C4orf36: variants seen among roughly 807,000 people sequenced by gnomAD.
The protein encoded by C4orf36 is uncharacterized protein C4orf36.
Under a neutral mutation model 12.2 loss-of-function variants are expected in C4orf36, and 11 were observed. The ratio of observed to expected loss-of-function variants is 0.90; its 90% CI spans 0.57 to 1.49. The LOEUF (loss-of-function observed/expected upper bound fraction) is 1.49. C4orf36 is among the 40% of genes most tolerant of loss of function. C4orf36 has a pLI of 0.00. For missense variants in C4orf36, 137 were observed against 133.9 expected (o/e 1.02, Z -0.11); for synonymous variants, 54 against 51.3 (o/e 1.05, Z -0.22).
the C4orf36 span, chr4:86,914,083 T>C: frequency 6.2e-6 from 10 of 1,609,848 alleles, no homozygotes; most frequent in East Asian, 1.6e-4. Context: ...GGCTTTTTAA[T>C]GTGCTTGCTC....
the C4orf36 span, among the ~76,000 whole-genome samples, chr4:86,920,168 C>T: frequency 3.3e-5 from 5 of 152,304 alleles, no homozygotes; most frequent in East Asian, 7.7e-4. Context: ...GCCTTTACTC[C>T]GGTTTCCAAG....
Position 86,888,212 on chromosome 4 carries a change from C to G in C4orf36, c.129G>C (p.Lys43Asn). The change falls in exon 3 of 5, where the codon AAG becomes AAC. Residue 43 changes from lysine to asparagine, a missense_variant. Lys to Asn is a moderately conservative substitution (Grantham distance 94). Transcript: ENST00000295898. ...KTWSTNLANI[K>N]LPFLEEISFG... ...ATGAAATTTCTTCCAAGAAAGGCAACTTGATATTGGCTAGGTTTGTGGACC... is the reference window on the plus strand; with the variant it reads ...ATGAAATTTCTTCCAAGAAAGGCAAGTTGATATTGGCTAGGTTTGTGGACC... 1 of 1,614,168 alleles carries G rather than the reference C, an allele frequency of 6.2e-7. No individual in the cohort carries two copies. Among genetic ancestry groups the G allele is most frequent in the Non-Finnish European group, 8.5e-7 (1 of 1,180,008 alleles).
At chr4:86,886,529 C>T (rs2149421138) in intron 4 of C4orf36, 1 of 152,244 alleles carries the variant, frequency 6.6e-6, no homozygotes, top group East Asian at 1.9e-4. Context: ...TCATCACTGG[C>T]CATCAGAGAA....
chr4:86,931,982 C>A, the C4orf36 span, among the ~76,000 whole-genome samples: 2 of 148,168 alleles, frequency 1.3e-5, no homozygotes, highest in South Asian at 2.1e-4. Context: ...TTGCAGTGAG[C>A]CGAGATTGCA....
At chr4:86,919,405 C>G in the C4orf36 span, among the ~76,000 whole-genome samples, 2 of 139,826 alleles carry the variant, frequency 1.4e-5, no homozygotes, top group Non-Finnish European at 1.5e-5. Flanking sequence ...TAACTGCAAC[C>G]TCTACCTCCT....
intron 2 of C4orf36, 128 bp from the exon 3 acceptor site, chr4:86,888,403 T>G: frequency 1.3e-6 from 1 of 785,966 alleles, no homozygotes; most frequent in Non-Finnish European, 2.0e-6. Flanking sequence ...GAGGGGGAGA[T>G]GTTCAGAATT....
At chr4:86,911,222 G>A in the C4orf36 span, among the ~76,000 whole-genome samples, 8 of 152,224 alleles carry the variant, frequency 5.3e-5, no homozygotes, top group South Asian at 2.1e-4. Flanking sequence ...CAGGTTGGAT[G>A]TAAGCACTGT....
At chr4:86,904,247 C>T in the C4orf36 span, among the ~76,000 whole-genome samples, 1 of 152,226 alleles carries the variant, frequency 6.6e-6, no homozygotes, top group African/African-American at 2.4e-5. Flanking sequence ...CCCGCGCCGG[C>T]TAGCGAGCGC....
chr4:86,905,060 A>C, the C4orf36 span, among the ~76,000 whole-genome samples: 2 of 151,458 alleles, frequency 1.3e-5, no homozygotes, highest in African/African-American at 2.4e-5. Flanking sequence ...ACATAATGAG[A>C]CCCCGTCTCT....
At chr4:86,885,702 C>G (rs190896281) in intron 4 of C4orf36, among the ~76,000 whole-genome samples, 5 of 152,234 alleles carry the variant, frequency 3.3e-5, no homozygotes, top group African/African-American at 1.2e-4. Flanking sequence ...CTTTCTCCTG[C>G]CTGATTGCCC....
Position 86,876,415 on chromosome 4 carries a change from G to A in C4orf36, c.*31C>T. The A allele has an allele frequency of 6.2e-7, 1 of 1,612,874 alleles. No homozygotes were observed. Among genetic ancestry groups the A allele is most frequent in the Non-Finnish European group, 8.5e-7 (1 of 1,179,430 alleles). On this transcript the variant is annotated 3_prime_UTR_variant, in exon 5 of 5. Coordinates refer to ENST00000295898, the MANE Select transcript of C4orf36 (RefSeq NM_144645.4). ...AAGCAGTTCCCGCCGGCGCTGCTGA[G>A]TTTCTTCATCTACAATCCGCGCTTC...
chr4:86,888,068 G>A, intron 3 of C4orf36, 53 bp downstream of exon 3: 2 of 1,587,230 alleles, frequency 1.3e-6, no homozygotes. Flanking sequence ...TCTCTGATAA[G>A]CAAATGGCAC....
intron 1 of C4orf36, 40 bp downstream of exon 1, chr4:86,892,143 C>A: frequency 1.0e-6 from 1 of 985,658 alleles, no homozygotes; most frequent in Non-Finnish European, 1.2e-6. Context: ...ACAGAGCCCG[C>A]GGAGAAGGGA....
the C4orf36 span, among the ~76,000 whole-genome samples, chr4:86,907,864 G>C: frequency 6.6e-6 from 1 of 151,786 alleles, no homozygotes; most frequent in African/African-American, 2.4e-5. Context: ...AGCTGCTCAG[G>C]AGGCTGAGGC....
At position 86,876,463 on chromosome 4, in the gene C4orf36, A is replaced by G; in HGVS notation, c.*3-20T>C. On this transcript the variant is annotated intron_variant, in intron 4 of 4. Transcript: ENST00000295898. ...TTCAGGCTGCGCAAAGGAGAGGGGG[A>G]AAATAAGATTTTATTTTATCATCCA... 1.2e-6 allele frequency: 2 copies of G among 1,613,490 alleles called. No homozygotes were observed. The highest frequency in any genetic ancestry group is 1.7e-6 in the Non-Finnish European group (2 of 1,179,598).
At chr4:86,892,893 C>T (rs1747483645), upstream of C4orf36, among the ~76,000 whole-genome samples, 1 of 152,106 alleles carries the variant, frequency 6.6e-6, no homozygotes, top group Non-Finnish European at 1.5e-5. Context: ...AGATGGCCAC[C>T]CCTTACGGTC....
chr4:86,913,550 G>A, the C4orf36 span: 16 of 1,022,892 alleles, frequency 1.6e-5, no homozygotes, highest in Middle Eastern at 2.4e-4. Flanking sequence ...CGAAAAGAGC[G>A]TTGGGCAGCA....
At chr4:86,898,320 A>C in the C4orf36 span, among the ~76,000 whole-genome samples, 1 of 152,206 alleles carries the variant, frequency 6.6e-6, no homozygotes, top group South Asian at 2.1e-4. Context: ...TGAGCCCAGG[A>C]GGCAGAGGTT....
the C4orf36 span, among the ~76,000 whole-genome samples, chr4:86,923,928 T>G: frequency 1.3e-5 from 2 of 152,222 alleles, no homozygotes; most frequent in Non-Finnish European, 2.9e-5. Flanking sequence ...GTCATATTAA[T>G]ATTTTCTAGG....
Sources: gnomAD v4.1 joint callset for allele counts (sites outside exome capture counted in the v4.1 genomes callset) on GRCh38, gnomAD v4.1.1 for gene constraint, MANE v1.5 for transcripts, NCBI Gene and HGNC (gene_info 2026-07-23, HGNC 2026-07-21) for gene names.